The following CDH11 variants were observed in gnomAD, a reference collection of about 807,000 sequenced individuals.
CDH11 encodes cadherin-11.
Under a neutral mutation model 67.8 loss-of-function variants are expected in CDH11, and 11 were observed. The observed-to-expected ratio is 0.16, with a 90% CI of 0.10 to 0.27. The LOEUF is 0.27. Among genes scored for constraint, CDH11 ranks in the 10% least tolerant of loss-of-function variants. The pLI, the probability that CDH11 is intolerant of heterozygous loss-of-function variation, is 1.00. For synonymous variants in CDH11, 419 were observed against 400.0 expected, an observed-to-expected ratio of 1.05 and a Z score of -0.57; for missense variants, 847 against 1,031.2, an observed-to-expected ratio of 0.82 and a Z score of 2.45.
intron 2 of CDH11, among the ~76,000 whole-genome samples, chr16:65,008,429 T>A (rs1299391711): frequency 6.6e-6 from 1 of 152,206 alleles, no homozygotes; most frequent in Non-Finnish European, 1.5e-5. Context: ...TAAGACTGAT[T>A]TTAAGACATA....
intron 1 of CDH11, among the ~76,000 whole-genome samples, chr16:65,096,708 G>T (rs1433286670): frequency 7.0e-6 from 1 of 143,686 alleles, no homozygotes; most frequent in East Asian, 2.1e-4. Flanking sequence ...ATATATTTGG[G>T]GTGTGTGTGT....
At chr16:65,059,314 G>A (rs1458991461) in intron 1 of CDH11, among the ~76,000 whole-genome samples, 1 of 152,172 alleles carries the variant, frequency 6.6e-6, no homozygotes, top group Non-Finnish European at 1.5e-5. Context: ...CATCCATAAA[G>A]AGTTTCTGAG....
chr16:64,993,793 A>G (rs8050545), intron 4 of CDH11, among the ~76,000 whole-genome samples: 24,481 of 152,114 alleles, frequency 0.16, 2,501 homozygotes, highest in East Asian at 0.42. Context: ...GGGGCATGGC[A>G]TGTTGGGCTT....
chr16:65,107,628 G>C (rs1183507494), intron 1 of CDH11, among the ~76,000 whole-genome samples: 1 of 152,142 alleles, frequency 6.6e-6, no homozygotes, highest in Non-Finnish European at 1.5e-5. Flanking sequence ...TCTAAATTTG[G>C]TATTGAAAGT....
At chr16:65,096,536 T>C (rs2074900453) in intron 1 of CDH11, among the ~76,000 whole-genome samples, 1 of 151,136 alleles carries the variant, frequency 6.6e-6, no homozygotes, top group Admixed American at 6.6e-5. Flanking sequence ...TATATGTATA[T>C]ATACACAAAC....
intron 2 of CDH11, among the ~76,000 whole-genome samples, chr16:65,019,890 C>G (rs2073387790): frequency 6.6e-6 from 1 of 151,478 alleles, no homozygotes; most frequent in African/African-American, 2.4e-5. Context: ...ACCCTCTAAA[C>G]TAGGCCAAAA....
intron 11 of CDH11, among the ~76,000 whole-genome samples, chr16:64,971,229 T>G (rs563905460): frequency 2.8e-4 from 42 of 152,290 alleles, no homozygotes; most frequent in African/African-American, 9.4e-4. Flanking sequence ...CTTTTAATGC[T>G]TTACTTGATA....
chr16:65,079,215 C>T (rs1468671598), intron 1 of CDH11, among the ~76,000 whole-genome samples: 4 of 152,214 alleles, frequency 2.6e-5, no homozygotes, highest in Non-Finnish European at 5.9e-5. Flanking sequence ...ACAGATGGGA[C>T]GGAACACTTG....
At chr16:65,051,203 G>T (rs1489206128) in intron 2 of CDH11, among the ~76,000 whole-genome samples, 1 of 152,142 alleles carries the variant, frequency 6.6e-6, no homozygotes, top group African/African-American at 2.4e-5. Flanking sequence ...AACAAACATT[G>T]ACCAGACAAT....
chr16:65,071,215 C>G (rs963287386), intron 1 of CDH11, among the ~76,000 whole-genome samples: 10 of 152,138 alleles, frequency 6.6e-5, no homozygotes, highest in African/African-American at 2.2e-4. Flanking sequence ...GCAGGGAAAC[C>G]AGCAAGCCCG....
chr16:65,083,614 A>G (rs1371599056), intron 1 of CDH11, among the ~76,000 whole-genome samples: 1 of 152,254 alleles, frequency 6.6e-6, no homozygotes, highest in East Asian at 1.9e-4. Context: ...TTGCTGAGGC[A>G]AGACATATCT....
intron 1 of CDH11, among the ~76,000 whole-genome samples, chr16:65,087,135 A>G (rs1520235): frequency 0.045 from 6,815 of 152,242 alleles, 539 homozygotes; most frequent in African/African-American, 0.16. Flanking sequence ...GGTAGTAGGT[A>G]ATCAGAACTA....
intron 2 of CDH11, among the ~76,000 whole-genome samples, chr16:65,034,976 C>T (rs1406792785): frequency 6.6e-6 from 1 of 152,230 alleles, no homozygotes; most frequent in Non-Finnish European, 1.5e-5. Context: ...CAAGAGGAGG[C>T]TTTGAAATCT....
At chr16:65,092,539 G>T (rs1597183983) in intron 1 of CDH11, among the ~76,000 whole-genome samples, 1 of 152,236 alleles carries the variant, frequency 6.6e-6, no homozygotes, top group East Asian at 1.9e-4. Context: ...ATAGAGATGG[G>T]GTGGCTATTA....
chr16:64,994,277 T>A (rs74026218), intron 4 of CDH11, among the ~76,000 whole-genome samples: 2,014 of 152,330 alleles, frequency 0.013, 45 homozygotes, highest in African/African-American at 0.045. Context: ...TAAAGGAAAA[T>A]ACCATCATGG....
intron 1 of CDH11, among the ~76,000 whole-genome samples, chr16:65,091,137 T>C (rs970702232): frequency 2.6e-5 from 4 of 152,222 alleles, no homozygotes; most frequent in African/African-American, 9.6e-5. Flanking sequence ...ATCCTAAGCA[T>C]ATGTCCATGT....
At chr16:64,954,948 TA>T (rs71143536) in intron 11 of CDH11, among the ~76,000 whole-genome samples, 44,677 of 121,252 alleles carry the variant, frequency 0.37, 6,382 homozygotes, top group Middle Eastern at 0.39. Flanking sequence ...TACTAAAAAA[TA>T]AAAAAAAAAA....
At chr16:65,046,827 G>A (rs767493627) in intron 2 of CDH11, among the ~76,000 whole-genome samples, 1 of 152,140 alleles carries the variant, frequency 6.6e-6, no homozygotes, top group Non-Finnish European at 1.5e-5. Flanking sequence ...AATTAAGGTG[G>A]CTGGGCGCGG....
chr16:65,018,482 T>C lies in CDH11; in HGVS notation c.-172-13441A>G, dbSNP rs529839136. ...CTATATTGCCATAAGGTAAGAATACTCACATAGTTTCCAAATTCTGAAGAA... is the reference window on the plus strand; with the variant it reads ...CTATATTGCCATAAGGTAAGAATACCCACATAGTTTCCAAATTCTGAAGAA... On this transcript the variant is annotated intron_variant, in intron 2 of 12. Transcript: ENST00000268603. 5.3e-4 allele frequency among the ~76,000 whole-genome samples: 81 copies of C among 152,254 alleles called. 1 individual carries two copies. The highest frequency in any genetic ancestry group is 5.2e-4 in the Admixed American group (8 of 15,280).
Sources: allele counts gnomAD v4.1 joint callset (sites outside exome capture counted in the v4.1 genomes callset), GRCh38; gene constraint gnomAD v4.1.1; transcripts MANE v1.5; gene names NCBI Gene and HGNC (gene_info 2026-07-23, HGNC 2026-07-21).